The following EGFR variants were observed in gnomAD, a reference collection of about 807,000 sequenced individuals.
The protein encoded by EGFR is epidermal growth factor receptor.
Under a neutral mutation model 143.0 loss-of-function variants are expected in EGFR, and 58 were observed. That is an observed-to-expected ratio of 0.41 (90% confidence interval 0.33 to 0.50). The LOEUF (loss-of-function observed/expected upper bound fraction) is 0.50. EGFR is among the 20% of genes least tolerant of loss of function. EGFR has a pLI of 0.39. For missense variants in EGFR, 1,307 were observed against 1,579.0 expected, an observed-to-expected ratio of 0.83 and a Z score of 2.92; for synonymous variants, 613 against 594.4, an observed-to-expected ratio of 1.03 and a Z score of -0.45.
intron 1 of EGFR, among the ~76,000 whole-genome samples, chr7:55,030,626 T>C (rs1241051875): frequency 6.6e-6 from 1 of 152,248 alleles, no homozygotes; most frequent in Non-Finnish European, 1.5e-5. Flanking sequence ...GCAATGCCTA[T>C]GGCAAGCTGT....
chr7:55,159,238 G>C (rs1357638399), intron 11 of EGFR, among the ~76,000 whole-genome samples: 1 of 151,952 alleles, frequency 6.6e-6, no homozygotes, highest in Non-Finnish European at 1.5e-5. Flanking sequence ...ACCCATCGTG[G>C]TCCGGCAGGG....
intron 1 of EGFR, chr7:55,109,686 G>C (rs1792347809): frequency 1.0e-6 from 1 of 971,482 alleles, no homozygotes; most frequent in African/African-American, 1.8e-5. Context: ...TCCTCTCCTG[G>C]TTTAGGTATA....
At chr7:55,147,510 C>CCA (rs776863518) in intron 4 of EGFR, among the ~76,000 whole-genome samples, 2 of 137,704 alleles carry the variant, frequency 1.5e-5, no homozygotes, top group Non-Finnish European at 3.2e-5. Context: ...GCCCTCAGAA[C>CCA]AAAAAAAAAA....
At chr7:55,065,149 T>C (rs1252678418) in intron 1 of EGFR, among the ~76,000 whole-genome samples, 1 of 152,210 alleles carries the variant, frequency 6.6e-6, no homozygotes, top group Non-Finnish European at 1.5e-5. Context: ...GAGAGCCAGA[T>C]GAAGATTCCT....
intron 1 of EGFR, among the ~76,000 whole-genome samples, chr7:55,080,783 A>G (rs1301872479): frequency 6.6e-6 from 1 of 152,216 alleles, no homozygotes; most frequent in Non-Finnish European, 1.5e-5. Flanking sequence ...ATATCAAAAC[A>G]TCATGTTGTA....
chr7:55,041,775 G>A (rs1562662246), intron 1 of EGFR, among the ~76,000 whole-genome samples: 1 of 152,170 alleles, frequency 6.6e-6, no homozygotes, highest in South Asian at 2.1e-4. Flanking sequence ...AAACAGGTGA[G>A]CGTGACAAGT....
At chr7:55,170,251 A>G (rs190894824) in intron 15 of EGFR, 1 of 1,613,374 alleles carries the variant, frequency 6.2e-7, no homozygotes, top group Admixed American at 1.7e-5. Context: ...ATAGTGTTAC[A>G]CCAGGGCTCC....
chr7:55,187,752 G>T (rs967243887), intron 20 of EGFR, among the ~76,000 whole-genome samples: 1 of 151,742 alleles, frequency 6.6e-6, no homozygotes, highest in East Asian at 1.9e-4. Flanking sequence ...CATCAGATCC[G>T]TAGTTTCAGA....
intron 1 of EGFR, among the ~76,000 whole-genome samples, chr7:55,109,407 A>G (rs1792328230): frequency 6.6e-6 from 1 of 152,202 alleles, no homozygotes; most frequent in Non-Finnish European, 1.5e-5. Context: ...GGTAATAATG[A>G]CTGCAGGCTG....
At chr7:55,035,646 C>T (rs1487298501) in intron 1 of EGFR, among the ~76,000 whole-genome samples, 1 of 148,896 alleles carries the variant, frequency 6.7e-6, no homozygotes, top group Non-Finnish European at 1.5e-5. Flanking sequence ...GATTGCACCA[C>T]TGCACTTCAG....
intron 1 of EGFR, among the ~76,000 whole-genome samples, chr7:55,024,181 G>A (rs1786749166): frequency 6.6e-6 from 1 of 152,164 alleles, no homozygotes; most frequent in Non-Finnish European, 1.5e-5. Flanking sequence ...GAATATTGGG[G>A]GTGTGTTTAC....
At chr7:55,124,314 T>C (rs1584100083) in intron 1 of EGFR, among the ~76,000 whole-genome samples, 2 of 152,194 alleles carry the variant, frequency 1.3e-5, no homozygotes, top group East Asian at 3.8e-4. Context: ...TTTGGAGAGG[T>C]ATTTTGGCCA....
chr7:55,146,542 G>A (rs1794769993), intron 3 of EGFR, 64 bp from the exon 4 acceptor site: 1 of 1,609,126 alleles, frequency 6.2e-7, no homozygotes, highest in Admixed American at 1.7e-5. Context: ...AAGAGCACAT[G>A]CATCCTTCAT....
At chr7:55,041,416 A>G (rs1387957748) in intron 1 of EGFR, among the ~76,000 whole-genome samples, 3 of 152,174 alleles carry the variant, frequency 2.0e-5, no homozygotes, top group Non-Finnish European at 4.4e-5. Context: ...ATCGCAAAAA[A>G]AAAAGAAGTA....
intron 1 of EGFR, among the ~76,000 whole-genome samples, chr7:55,085,484 G>A (rs529195517): frequency 1.8e-4 from 28 of 152,310 alleles, no homozygotes; most frequent in East Asian, 9.7e-4. Context: ...AGCCCGTTCC[G>A]TTGTCCATGA....
intron 27 of EGFR, among the ~76,000 whole-genome samples, chr7:55,204,572 C>T (rs1279173136): frequency 7.1e-6 from 1 of 141,330 alleles, no homozygotes; most frequent in Non-Finnish European, 1.5e-5. Context: ...CACACATACA[C>T]ACCACACACA....
At chr7:55,130,585 G>A (rs1222051460) in intron 1 of EGFR, among the ~76,000 whole-genome samples, 1 of 152,110 alleles carries the variant, frequency 6.6e-6, no homozygotes. Context: ...CTTAAAAGGA[G>A]GATTTCAGTT....
At chr7:55,170,227 G>A (rs1284778549) in intron 15 of EGFR, 1 of 1,611,296 alleles carries the variant, frequency 6.2e-7, no homozygotes, top group African/African-American at 1.3e-5. Flanking sequence ...GATAGAAACT[G>A]TTAGGATCAG....
intron 20 of EGFR, among the ~76,000 whole-genome samples, chr7:55,190,983 G>C (rs1787369689): frequency 2.0e-5 from 3 of 152,148 alleles, no homozygotes; most frequent in Admixed American, 1.3e-4. Flanking sequence ...ATGTGACAAG[G>C]ACACCAGAGG....
Sources: allele counts gnomAD v4.1 joint callset (sites outside exome capture counted in the v4.1 genomes callset), GRCh38; gene constraint gnomAD v4.1.1; transcripts MANE v1.5; gene names NCBI Gene and HGNC (gene_info 2026-07-23, HGNC 2026-07-21).